Variants in CTNNA3 observed in about 807,000 individuals in gnomAD.
CTNNA3 encodes catenin alpha 3.
A neutral mutation model predicts 95.7 loss-of-function variants in CTNNA3; 76 were observed. The observed-to-expected ratio is 0.79, with a 90% CI of 0.66 to 0.96. CTNNA3 has a LOEUF of 0.96. CTNNA3 is among the 40% of genes least tolerant of loss of function. The pLI is 0.00. For missense variants in CTNNA3, 1,191 were observed against 1,089.8 expected, an observed-to-expected ratio of 1.09 and a Z score of -1.31; for synonymous variants, 431 against 374.4, an observed-to-expected ratio of 1.15 and a Z score of -1.74.
chr10:66,810,265 C>A lies in CTNNA3; in HGVS notation c.1048-34741G>T, dbSNP rs116236595. 6.9e-3 allele frequency among the ~76,000 whole-genome samples: 1,043 copies of A among 152,032 alleles called. 6 individuals are homozygous for A. Among genetic ancestry groups the A allele is most frequent in the African/African-American group, 0.024 (990 of 41,460 alleles). Reference sequence around the variant, plus strand: ...TTATAGTTCCAACATCTAAATATACCAATATAGTATGAAGATGTTCTGGCT... The same window carrying A: ...TTATAGTTCCAACATCTAAATATACAAATATAGTATGAAGATGTTCTGGCT... On this transcript the variant is annotated intron_variant, in intron 7 of 17. Transcript: ENST00000433211.
chr10:66,867,054 TGCCTTTCACCTTCTCACATGATTGTGAA>T (rs1190025223), intron 7 of CTNNA3, among the ~76,000 whole-genome samples: 100 of 152,042 alleles, frequency 6.6e-4, no homozygotes, highest in Non-Finnish European at 1.8e-4. Flanking sequence ...ATGTAAGATG[TGCCTTTCACCTTCTCACATGATTGTGAA>T]GCCTCCCTGG....
chr10:66,577,725 C>T (rs187154530), intron 10 of CTNNA3, among the ~76,000 whole-genome samples: 1 of 152,162 alleles, frequency 6.6e-6, no homozygotes, highest in East Asian at 1.9e-4. Flanking sequence ...GTTACTGCAG[C>T]CTTGTAGTAT....
intron 1 of CTNNA3, among the ~76,000 whole-genome samples, chr10:67,684,055 G>A (rs1254479648): frequency 6.6e-6 from 1 of 152,238 alleles, no homozygotes; most frequent in Non-Finnish European, 1.5e-5. Flanking sequence ...ACCTGAGCGG[G>A]TTGCCGCTGC....
intron 6 of CTNNA3, among the ~76,000 whole-genome samples, chr10:67,186,350 T>C: frequency 6.6e-6 from 1 of 152,230 alleles, no homozygotes; most frequent in East Asian, 1.9e-4. Flanking sequence ...TCACTCTAGC[T>C]TCTGCTCTAC....
chr10:66,334,728 G>A (rs554615650), intron 12 of CTNNA3, among the ~76,000 whole-genome samples: 4,415 of 151,834 alleles, frequency 0.029, 202 homozygotes, highest in African/African-American at 0.098. Context: ...TGCTCTTCTC[G>A]AGGAGTATCT....
At chr10:67,527,616 T>G (rs1840190425) in intron 4 of CTNNA3, among the ~76,000 whole-genome samples, 1 of 152,172 alleles carries the variant, frequency 6.6e-6, no homozygotes, top group South Asian at 2.1e-4. Context: ...CAATGAAATG[T>G]TTTAACAATT....
At chr10:67,183,361 A>T (rs1589833879) in intron 6 of CTNNA3, among the ~76,000 whole-genome samples, 2 of 152,220 alleles carry the variant, frequency 1.3e-5, no homozygotes, top group Admixed American at 6.5e-5. Context: ...ATGCAGCCAT[A>T]AAAAATGATG....
intron 12 of CTNNA3, among the ~76,000 whole-genome samples, chr10:66,287,602 A>G (rs1480756208): frequency 2.0e-5 from 3 of 152,234 alleles, no homozygotes; most frequent in Admixed American, 2.0e-4. Context: ...TAAGAGAGAA[A>G]AGATTATCAG....
At chr10:66,342,104 T>A (rs2092460032) in intron 12 of CTNNA3, among the ~76,000 whole-genome samples, 1 of 152,042 alleles carries the variant, frequency 6.6e-6, no homozygotes, top group Admixed American at 6.5e-5. Context: ...TTTTTCTAAT[T>A]CTTAGTTGCA....
intron 5 of CTNNA3, among the ~76,000 whole-genome samples, chr10:67,229,542 A>T (rs916236513): frequency 3.3e-5 from 5 of 152,194 alleles, no homozygotes; most frequent in African/African-American, 9.6e-5. Flanking sequence ...CTATTTACTG[A>T]TGATATGATC....
intron 15 of CTNNA3, among the ~76,000 whole-genome samples, chr10:66,059,621 C>A (rs2080155528): frequency 6.6e-6 from 1 of 152,044 alleles, no homozygotes; most frequent in African/African-American, 2.4e-5. Flanking sequence ...TTCTTCCATG[C>A]TATCTTATGT....
chr10:66,240,256 C>T (rs2090045042), intron 13 of CTNNA3, among the ~76,000 whole-genome samples: 1 of 152,002 alleles, frequency 6.6e-6, no homozygotes, highest in Non-Finnish European at 1.5e-5. Flanking sequence ...AATAACATTT[C>T]AAATGAAGAA....
At chr10:66,747,939 C>G (rs1838955152) in intron 9 of CTNNA3, among the ~76,000 whole-genome samples, 1 of 152,070 alleles carries the variant, frequency 6.6e-6, no homozygotes, top group Non-Finnish European at 1.5e-5. Flanking sequence ...CCACTGGCAC[C>G]AACTCATAGG....
At chr10:67,127,827 A>G (rs1157855347) in intron 7 of CTNNA3, among the ~76,000 whole-genome samples, 1 of 152,124 alleles carries the variant, frequency 6.6e-6, no homozygotes, top group African/African-American at 2.4e-5. Flanking sequence ...CAAACTTGGT[A>G]GGAAAGAACT....
chr10:66,410,980 A>T (rs1259563670), intron 11 of CTNNA3, among the ~76,000 whole-genome samples: 1 of 152,212 alleles, frequency 6.6e-6, no homozygotes, highest in African/African-American at 2.4e-5. Context: ...ATTACCCAAG[A>T]TGGCATAATA....
chr10:66,434,022 A>G (rs2093318523), intron 11 of CTNNA3, among the ~76,000 whole-genome samples: 1 of 152,186 alleles, frequency 6.6e-6, no homozygotes, highest in African/African-American at 2.4e-5. Flanking sequence ...TGGTAACAGT[A>G]TCATGCTGTT....
intron 14 of CTNNA3, among the ~76,000 whole-genome samples, chr10:66,088,027 C>T (rs1031284475): frequency 2.0e-5 from 3 of 151,832 alleles, no homozygotes; most frequent in Non-Finnish European, 2.9e-5. Flanking sequence ...TTAAGAAAAT[C>T]AAATGGATTA....
At chr10:67,343,364 T>C (rs1842288352) in intron 5 of CTNNA3, among the ~76,000 whole-genome samples, 1 of 152,228 alleles carries the variant, frequency 6.6e-6, no homozygotes, top group African/African-American at 2.4e-5. Context: ...ATTTTAACAA[T>C]ATTGACTTTT....
At chr10:66,866,826 T>C (rs1234006679) in intron 7 of CTNNA3, among the ~76,000 whole-genome samples, 1 of 152,172 alleles carries the variant, frequency 6.6e-6, no homozygotes, top group African/African-American at 2.4e-5. Flanking sequence ...CTAACATGAC[T>C]GATATGGTTT....
Sources: allele counts gnomAD v4.1 joint callset (sites outside exome capture counted in the v4.1 genomes callset), GRCh38; gene constraint gnomAD v4.1.1; transcripts MANE v1.5; gene names NCBI Gene and HGNC (gene_info 2026-07-23, HGNC 2026-07-21).